Variants in TLE3 observed in about 807,000 individuals in gnomAD.
TLE3 encodes transducin-like enhancer protein 3.
TLE3 carries 14 observed loss-of-function variants against 93.0 expected under a neutral mutation model. The observed-to-expected ratio is 0.15, with a 90% CI of 0.10 to 0.24. The LOEUF is 0.24. Ranked by LOEUF, TLE3 falls within the 10% of genes least tolerant of loss-of-function variation. The pLI is 1.00. For synonymous variants in TLE3, 451 were observed against 425.0 expected, an observed-to-expected ratio of 1.06 and a Z score of -0.75; for missense variants, 693 against 1,046.6, an observed-to-expected ratio of 0.66 and a Z score of 4.66.
In TLE3 at chr15:70,094,154, GA is replaced by G. The variant is rs367780904; in HGVS notation, c.234+377del. ...GCAAAAAGAAAAAAAAAAGGAGAAA[GA>G]AAAAAAAAATCCTCCTGCATTTCCT... On this transcript the variant is annotated intron_variant, in intron 4 of 19. Coordinates refer to ENST00000451782, the MANE Select transcript of TLE3 (RefSeq NM_001105192.3). Among the ~76,000 whole-genome samples, 1,079 of 147,592 alleles carry G rather than the reference GA, an allele frequency of 7.3e-3. 10 individuals are homozygous for G. The highest frequency in any genetic ancestry group is 0.022 in the African/African-American group (869 of 40,130).
intron 6 of TLE3, among the ~76,000 whole-genome samples, chr15:70,068,106 T>C (rs1347030016): frequency 6.6e-6 from 1 of 152,256 alleles, no homozygotes; most frequent in South Asian, 2.1e-4. Flanking sequence ...GAAAATGTAA[T>C]TTTTAATATC....
At chr15:70,091,008 AAG>A (rs1567055797) in intron 4 of TLE3, among the ~76,000 whole-genome samples, 1 of 152,206 alleles carries the variant, frequency 6.6e-6, no homozygotes, top group African/African-American at 2.4e-5. Flanking sequence ...TCTTACAGAA[AAG>A]AGTCCTGGGT....
Position 70,057,515 on chromosome 15 carries a change from C to A in TLE3, c.1195G>T (p.Ala399Ser). The A allele has an allele frequency of 6.2e-7, 1 of 1,607,584 alleles. No homozygotes were observed. Among genetic ancestry groups the A allele is most frequent in the Non-Finnish European group, 8.5e-7 (1 of 1,177,366 alleles). Residue 399 changes from alanine to serine, a missense_variant, in exon 13 of 20, where the codon GCC becomes TCC. Coordinates refer to ENST00000451782, the MANE Select transcript of TLE3 (RefSeq NM_001105192.3). ...TAGGCAGCGGCTGCAGCAGCGGCGG[C>A]GGCGCTCATCTGGGGTGGGATGTTG... ...LHNIPPQMSA[A>S]AAAAAAAYGR...
rs2055532278 is a variant in TLE3, at chr15:70,051,436, G to A, written c.2157C>T (p.Asn719=). ...GKWFVSTGKD[N]LLNAWRTPYG... ...AAGGCGTCCTCCAGGCGTTGAGAAG[G>A]TTATCTTTCCCAGTGCTCACGAACC... Residue 719 remains asparagine, a synonymous_variant, in exon 19 of 20, where the codon AAC becomes AAT. Coordinates refer to ENST00000451782, the MANE Select transcript of TLE3 (RefSeq NM_001105192.3). 3.7e-6 allele frequency: 6 copies of A among 1,610,504 alleles called. No homozygotes were observed. The highest frequency in any genetic ancestry group is 4.2e-6 in the Non-Finnish European group (5 of 1,178,452).
At position 70,049,251 on chromosome 15, in the gene TLE3, G is replaced by A. The variant is rs2055312849; in HGVS notation, c.*846C>T. On this transcript the variant is annotated 3_prime_UTR_variant, in exon 20 of 20. Transcript: ENST00000451782. ...AAGAGAGACACAGAGAGGGCAAGAG[G>A]CAGCCAGAGTGCAAGAGACCACAGA... 1 of 152,380 alleles carries A rather than the reference G, an allele frequency of 6.6e-6. No homozygotes were observed. The allele number at this position is 152,380 out of a possible 1,614,324, so 9.4% of individuals were successfully genotyped here. A position where few individuals can be genotyped will look rare whatever the true frequency, so the allele number is the denominator to read the frequency against.
chr15:70,091,267 A>G (rs2058293561), intron 4 of TLE3, among the ~76,000 whole-genome samples: 1 of 152,248 alleles, frequency 6.6e-6, no homozygotes, highest in Admixed American at 6.5e-5. Context: ...GCTCAAGTCC[A>G]CTTTCAAAAA....
intron 8 of TLE3, among the ~76,000 whole-genome samples, chr15:70,062,133 T>C (rs1002060492): frequency 2.0e-5 from 3 of 152,174 alleles, no homozygotes; most frequent in African/African-American, 7.2e-5. Flanking sequence ...CCGAAGCAAA[T>C]TAAAATGGCA....
intron 15 of TLE3, 110 bp downstream of exon 15, chr15:70,054,939 T>C (rs2055885548): frequency 7.0e-7 from 1 of 1,433,726 alleles, no homozygotes; most frequent in South Asian, 1.4e-5. Flanking sequence ...TGCCTAAAGT[T>C]GCTCAGCCAA....
intron 3 of TLE3, 138 bp from the exon 4 acceptor site, chr15:70,094,714 A>G (rs1026819267): frequency 3.0e-6 from 2 of 665,006 alleles, no homozygotes; most frequent in African/African-American, 3.7e-5. Flanking sequence ...TCAAACCCCA[A>G]AGCCAGCTTA....
chr15:70,096,061 C>G (rs889264027), intron 2 of TLE3, 100 bp downstream of exon 2: 5 of 1,374,112 alleles, frequency 3.6e-6, no homozygotes, highest in Non-Finnish European at 4.9e-6. Context: ...CCCGCCGCCC[C>G]TAGGTCGGGA....
Position 70,049,802 on chromosome 15 carries a change from G to C in TLE3, c.*295C>G, listed in dbSNP as rs936688376. The C allele has an allele frequency of 9.3e-6, 3 of 322,184 alleles. No individual in the cohort carries two copies. Among genetic ancestry groups the C allele is most frequent in the African/African-American group, 6.3e-5 (3 of 47,876 alleles). 20.0% of individuals were successfully genotyped at this position (322,184 alleles called of 1,614,324 possible). On this transcript the variant is annotated 3_prime_UTR_variant, in exon 20 of 20. Transcript: ENST00000451782. ...CAAACAGAGACTCATGAGCGGGTCT[G>C]TGGGGGAACCGGAGCCATAAGCCTC...
chr15:70,073,067 G>C (rs1009017186), intron 6 of TLE3, among the ~76,000 whole-genome samples: 8 of 152,132 alleles, frequency 5.3e-5, no homozygotes, highest in African/African-American at 1.9e-4. Context: ...TGTCCCTATG[G>C]GCTCAGCCCA....
At chr15:70,064,429 C>A (rs370107342) in intron 8 of TLE3, 25 bp downstream of exon 8, 1 of 1,613,454 alleles carries the variant, frequency 6.2e-7, no homozygotes, top group Non-Finnish European at 8.5e-7. Context: ...AACACCCCTC[C>A]GGGTTCCAGA....
chr15:70,089,189 G>A (rs1004979938), intron 4 of TLE3, among the ~76,000 whole-genome samples: 6 of 152,134 alleles, frequency 3.9e-5, no homozygotes, highest in African/African-American at 1.2e-4. Flanking sequence ...TCAGACTCGC[G>A]CCAAGCAAAG....
intron 4 of TLE3, among the ~76,000 whole-genome samples, chr15:70,081,124 A>G (rs1006243099): frequency 2.0e-5 from 3 of 152,308 alleles, no homozygotes; most frequent in Non-Finnish European, 2.9e-5. Context: ...TCTACCTCCA[A>G]TTCTGCCTCC....
At chr15:70,060,473 A>G (rs2056396474) in intron 9 of TLE3, 57 bp downstream of exon 9, 2 of 1,605,364 alleles carry the variant, frequency 1.2e-6, no homozygotes, top group South Asian at 2.2e-5. Context: ...GGCCCTGCAG[A>G]CACCCCCTGC....
intron 9 of TLE3, 74 bp from the exon 10 acceptor site, chr15:70,059,534 C>T: frequency 6.1e-6 from 9 of 1,466,284 alleles, no homozygotes; most frequent in African/African-American, 1.4e-5. Flanking sequence ...CCCAAACCAC[C>T]CTGTCCTTCT....
intron 14 of TLE3, chr15:70,056,095 G>C: frequency 1.6e-6 from 1 of 638,666 alleles, no homozygotes. Flanking sequence ...AGCTTCTGTG[G>C]GTGCTCAGAA....
Position 70,095,541 on chromosome 15 carries a change from G to T in TLE3, c.189+37C>A, listed in dbSNP as rs541282300. On this transcript the variant is annotated intron_variant, in intron 3 of 19. Coordinates refer to ENST00000451782, the MANE Select transcript of TLE3 (RefSeq NM_001105192.3). Reference sequence around the variant, plus strand: ...CGCCGCGCCCCCGGCCGGGGTCGGCGCCCCAACCGCCCCCCAGGCCCGCGG... The same window carrying T: ...CGCCGCGCCCCCGGCCGGGGTCGGCTCCCCAACCGCCCCCCAGGCCCGCGG... 1.2e-4 allele frequency: 193 copies of T among 1,547,544 alleles called. 1 individual carries two copies. In the Admixed American group the frequency reaches 3.7e-3, roughly 30 times the overall value.
Sources: gnomAD v4.1 joint callset for allele counts (sites outside exome capture counted in the v4.1 genomes callset) on GRCh38, gnomAD v4.1.1 for gene constraint, MANE v1.5 for transcripts, NCBI Gene and HGNC (gene_info 2026-07-23, HGNC 2026-07-21) for gene names.